RSRC1: variants seen among roughly 807,000 people sequenced by gnomAD.
RSRC1 encodes arginine and serine rich coiled-coil 1, also known as serine/Arginine-related protein 53.
A neutral mutation model predicts 49.1 loss-of-function variants in RSRC1; 39 were observed. That is an observed-to-expected ratio of 0.79 (90% CI 0.61 to 1.04). The LOEUF is 1.04. Ranked by LOEUF, RSRC1 falls within the 50% of genes least tolerant of loss-of-function variation. The pLI is 0.00. For synonymous variants in RSRC1, 143 were observed against 130.8 expected (o/e 1.09, Z -0.63); for missense variants, 388 against 402.4 (o/e 0.96, Z 0.31).
At chr3:158,222,337 A>G (rs1722269348) in intron 4 of RSRC1, among the ~76,000 whole-genome samples, 1 of 151,558 alleles carries the variant, frequency 6.6e-6, no homozygotes, top group African/African-American at 2.4e-5. Flanking sequence ...AACATATTGT[A>G]TAACATGGTG....
intron 3 of RSRC1, among the ~76,000 whole-genome samples, chr3:158,180,867 C>T (rs1430958994): frequency 6.9e-6 from 1 of 145,416 alleles, no homozygotes; most frequent in East Asian, 2.0e-4. Flanking sequence ...TGCAATGGCG[C>T]AATCTCGGCT....
intron 5 of RSRC1, among the ~76,000 whole-genome samples, chr3:158,334,809 T>C (rs549709686): frequency 1.3e-5 from 2 of 152,224 alleles, no homozygotes; most frequent in Non-Finnish European, 2.9e-5. Flanking sequence ...CATGAGCCAC[T>C]GCACCCAGCC....
intron 6 of RSRC1, among the ~76,000 whole-genome samples, chr3:158,457,483 G>A (rs1737391653): frequency 6.6e-6 from 1 of 152,102 alleles, no homozygotes; most frequent in African/African-American, 2.4e-5. Flanking sequence ...CAGTGTCCAG[G>A]AAGTAATTGG....
At chr3:158,525,829 G>A (rs1711986787) in intron 7 of RSRC1, among the ~76,000 whole-genome samples, 3 of 151,940 alleles carry the variant, frequency 2.0e-5, no homozygotes, top group Non-Finnish European at 4.4e-5. Context: ...TCTAGAAAAT[G>A]CAGACTAATC....
At chr3:158,328,296 G>C (rs976761317) in intron 5 of RSRC1, among the ~76,000 whole-genome samples, 5 of 152,156 alleles carry the variant, frequency 3.3e-5, no homozygotes, top group Non-Finnish European at 7.4e-5. Context: ...TGCTTATTTT[G>C]CTGATTAGTT....
intron 1 of RSRC1, among the ~76,000 whole-genome samples, chr3:158,113,685 A>C (rs528838927): frequency 6.6e-6 from 1 of 152,096 alleles, no homozygotes; most frequent in South Asian, 2.1e-4. Flanking sequence ...ACTTCTTAAT[A>C]ATTGCATTCT....
At chr3:158,147,294 G>A (rs557333906) in intron 3 of RSRC1, among the ~76,000 whole-genome samples, 2 of 151,658 alleles carry the variant, frequency 1.3e-5, no homozygotes, top group Non-Finnish European at 2.9e-5. Context: ...AGGTTTGAAT[G>A]CAGTGGTGCA....
chr3:158,184,217 C>A (rs1187374952), intron 3 of RSRC1, among the ~76,000 whole-genome samples: 1 of 151,338 alleles, frequency 6.6e-6, no homozygotes, highest in Non-Finnish European at 1.5e-5. Flanking sequence ...CCTCATGGAA[C>A]AAAACCTTAA....
chr3:158,440,777 C>G (rs1736340453), intron 6 of RSRC1, among the ~76,000 whole-genome samples: 1 of 151,928 alleles, frequency 6.6e-6, no homozygotes, highest in Non-Finnish European at 1.5e-5. Flanking sequence ...AACCCCATCT[C>G]TAATAAATAT....
chr3:158,258,102 C>T (rs1026068544), intron 4 of RSRC1, among the ~76,000 whole-genome samples: 8 of 150,298 alleles, frequency 5.3e-5, no homozygotes, highest in African/African-American at 2.0e-4. Flanking sequence ...TTATAATATT[C>T]TGTGTTTTTC....
intron 3 of RSRC1, among the ~76,000 whole-genome samples, chr3:158,145,816 G>T (rs570172071): frequency 6.6e-6 from 1 of 152,274 alleles, no homozygotes; most frequent in South Asian, 2.1e-4. Flanking sequence ...GTTGAGCAGT[G>T]ATTTGTAGCT....
intron 6 of RSRC1, among the ~76,000 whole-genome samples, chr3:158,422,216 C>A (rs369214191): frequency 1.0e-5 from 1 of 99,712 alleles, no homozygotes; most frequent in Non-Finnish European, 2.0e-5. Flanking sequence ...CCAATGCTAT[C>A]CCTCCCCCCT....
At chr3:158,442,588 A>G (rs9868975) in intron 6 of RSRC1, among the ~76,000 whole-genome samples, 2,603 of 152,144 alleles carry the variant, frequency 0.017, 69 homozygotes, top group African/African-American at 0.06. Context: ...TGAGCCCTTC[A>G]AAATCATCCA....
intron 6 of RSRC1, among the ~76,000 whole-genome samples, chr3:158,445,503 G>A (rs1052086658): frequency 5.3e-5 from 8 of 152,150 alleles, no homozygotes; most frequent in African/African-American, 1.7e-4. Context: ...GGGGCATGTC[G>A]TGGGGTGGGG....
At chr3:158,228,088 G>T (rs188605203) in intron 4 of RSRC1, among the ~76,000 whole-genome samples, 1 of 151,862 alleles carries the variant, frequency 6.6e-6, no homozygotes, top group Non-Finnish European at 1.5e-5. Context: ...TAAATTCATC[G>T]ATTTGAATCA....
intron 4 of RSRC1, among the ~76,000 whole-genome samples, chr3:158,243,060 C>T (rs1016207936): frequency 2.0e-5 from 3 of 152,130 alleles, no homozygotes; most frequent in African/African-American, 7.2e-5. Flanking sequence ...TTATCAGATT[C>T]CCTATGTCAA....
In RSRC1 at chr3:158,494,618, AAC is replaced by A. The variant is rs550613951; in HGVS notation, c.652+33619_652+33620del. 4.6e-5 allele frequency among the ~76,000 whole-genome samples: 7 copies of A among 152,322 alleles called. No individual in the cohort carries two copies. In the East Asian group the frequency reaches 1.3e-3, roughly 29 times the overall value. ...TTAGCTCTTCTGCAATAACACTTAA[AAC>A]ACAAATATTATACACTGTACAAAAA... On this transcript the variant is annotated intron_variant, in intron 7 of 9. Transcript: ENST00000611884.
rs181415078 is a variant in RSRC1, at chr3:158,450,669, T to G, written c.584-10266T>G. On this transcript the variant is annotated intron_variant, in intron 6 of 9. Transcript: ENST00000611884. The stretch of plus-strand genomic sequence containing the variant: ...TCTTTATATATGCAGAAGTAGCAGC[T>G]ATGTCCATATGTAAATTTTTAATGA... 4.6e-5 allele frequency among the ~76,000 whole-genome samples: 7 copies of G among 152,078 alleles called. No individual in the cohort carries two copies. The East Asian group carries it at 1.4e-3, about 29-fold the overall frequency.
At chr3:158,230,273 AGTACAT>A in intron 4 of RSRC1, among the ~76,000 whole-genome samples, 1 of 152,094 alleles carries the variant, frequency 6.6e-6, no homozygotes, top group Admixed American at 6.6e-5. Context: ...TGTCCTGTTT[AGTACAT>A]CATATCAGAA....
Sources: allele counts gnomAD v4.1 joint callset (sites outside exome capture counted in the v4.1 genomes callset), GRCh38; gene constraint gnomAD v4.1.1; transcripts MANE v1.5; gene names NCBI Gene and HGNC (gene_info 2026-07-23, HGNC 2026-07-21).